The following LHFPL3 variants were observed in gnomAD, a reference collection of about 807,000 sequenced individuals.
The protein encoded by LHFPL3 is LHFPL tetraspan subfamily member 3 protein.
Under a neutral mutation model 19.3 loss-of-function variants are expected in LHFPL3, and 5 were observed. That is an observed-to-expected ratio of 0.26 (90% CI 0.14 to 0.54). The LOEUF (loss-of-function observed/expected upper bound fraction) is 0.54, where lower values mean the gene tolerates loss of function less well. Ranked by LOEUF, LHFPL3 falls within the 20% of genes least tolerant of loss-of-function variation. The probability of loss-of-function intolerance (pLI) is 0.94; values close to 1 mark genes in which losing one functional copy is unlikely to be tolerated. For missense variants in LHFPL3, 249 were observed against 307.4 expected, an observed-to-expected ratio of 0.81 and a Z score of 1.42; for synonymous variants, 133 against 126.2, an observed-to-expected ratio of 1.05 and a Z score of -0.36.
chr7:104,838,485 A>G (rs1791139751), intron 2 of LHFPL3, among the ~76,000 whole-genome samples: 1 of 152,226 alleles, frequency 6.6e-6, no homozygotes, highest in Non-Finnish European at 1.5e-5. Flanking sequence ...AGACACCCAG[A>G]ATTCCAACTG....
At chr7:104,437,425 G>A (rs1008616286) in intron 1 of LHFPL3, among the ~76,000 whole-genome samples, 1 of 152,042 alleles carries the variant, frequency 6.6e-6, no homozygotes, top group Admixed American at 6.6e-5. Flanking sequence ...GAACAACAAC[G>A]GGGTGTCCTA....
intron 2 of LHFPL3, among the ~76,000 whole-genome samples, chr7:104,825,533 C>T (rs1790800726): frequency 6.6e-6 from 1 of 151,764 alleles, no homozygotes. Context: ...GCTGTGAGGA[C>T]TAAATGAAAG....
chr7:104,764,187 G>A (rs564692555), intron 2 of LHFPL3, among the ~76,000 whole-genome samples: 1 of 152,048 alleles, frequency 6.6e-6, no homozygotes, highest in East Asian at 1.9e-4. Context: ...TTGTTTTATT[G>A]AGACAGAGTC....
chr7:104,424,062 G>A (rs530056082), intron 1 of LHFPL3, among the ~76,000 whole-genome samples: 13 of 152,050 alleles, frequency 8.5e-5, no homozygotes, highest in African/African-American at 2.4e-5. Flanking sequence ...TTTTAAAATC[G>A]TATCACTCGA....
intron 1 of LHFPL3, among the ~76,000 whole-genome samples, chr7:104,431,217 G>A (rs1319892793): frequency 2.0e-5 from 3 of 151,944 alleles, no homozygotes; most frequent in African/African-American, 7.3e-5. Flanking sequence ...TACTGCTTTT[G>A]TAAATTGATC....
intron 1 of LHFPL3, among the ~76,000 whole-genome samples, chr7:104,525,568 G>A (rs1253376914): frequency 6.6e-6 from 1 of 151,150 alleles, no homozygotes; most frequent in Non-Finnish European, 1.5e-5. Context: ...GATCCTCCAG[G>A]TTTCTGTCTT....
chr7:104,593,381 T>G (rs982421045), intron 1 of LHFPL3, among the ~76,000 whole-genome samples: 14 of 152,216 alleles, frequency 9.2e-5, no homozygotes, highest in Non-Finnish European at 1.9e-4. Flanking sequence ...AGTTCTAGTT[T>G]GATTGCACTG....
chr7:104,435,550 T>C (rs1792087351), intron 1 of LHFPL3, among the ~76,000 whole-genome samples: 1 of 148,328 alleles, frequency 6.7e-6, no homozygotes, highest in African/African-American at 2.5e-5. Context: ...TTTTATATTT[T>C]TCTTTCTAGA....
chr7:104,773,121 G>T (rs1004742053), intron 2 of LHFPL3, among the ~76,000 whole-genome samples: 2 of 152,174 alleles, frequency 1.3e-5, no homozygotes, highest in African/African-American at 4.8e-5. Flanking sequence ...CAGCCTCGTT[G>T]TCATCCACAT....
chr7:104,441,590 T>G (rs553779230), intron 1 of LHFPL3, among the ~76,000 whole-genome samples: 24 of 152,176 alleles, frequency 1.6e-4, no homozygotes, highest in Admixed American at 9.2e-4. Context: ...TTATTTATTT[T>G]TTTTGAGACA....
chr7:104,362,974 A>T (rs1026529332), intron 1 of LHFPL3, among the ~76,000 whole-genome samples: 1 of 152,244 alleles, frequency 6.6e-6, no homozygotes, highest in African/African-American at 2.4e-5. Context: ...CACCAATCTT[A>T]GGTTTTACAA....
In LHFPL3 at chr7:104,850,845, T is replaced by C. The variant is rs1221962319; in HGVS notation, c.683-55342T>C. Among the ~76,000 whole-genome samples, 5 of 151,042 alleles carry C rather than the reference T, an allele frequency of 3.3e-5. No homozygotes were observed. In the East Asian group the frequency reaches 7.8e-4, roughly 23 times the overall value. ...CCAAACACTGATTCTCAAATGACTA[T>C]AGATAGAAGAGTAAAACTCTCAGTA... On this transcript the variant is annotated intron_variant, in intron 2 of 2. Coordinates refer to ENST00000424859, the MANE Select transcript of LHFPL3 (RefSeq NM_199000.3).
intron 1 of LHFPL3, among the ~76,000 whole-genome samples, chr7:104,436,110 A>C (rs1329430115): frequency 6.6e-6 from 1 of 152,188 alleles, no homozygotes; most frequent in East Asian, 1.9e-4. Context: ...GAAGCTACTG[A>C]GCATTTGAAA....
At chr7:104,709,759 C>T (rs374363574) in intron 1 of LHFPL3, among the ~76,000 whole-genome samples, 13 of 151,390 alleles carry the variant, frequency 8.6e-5, no homozygotes, top group Admixed American at 2.6e-4. Context: ...ACCTCCCAGA[C>T]GGGGTGGCGG....
At chr7:104,434,432 C>T (rs1198397860) in intron 1 of LHFPL3, among the ~76,000 whole-genome samples, 2 of 152,164 alleles carry the variant, frequency 1.3e-5, no homozygotes, top group Non-Finnish European at 2.9e-5. Flanking sequence ...TGACATGCAT[C>T]GCTTACACCT....
intron 1 of LHFPL3, among the ~76,000 whole-genome samples, chr7:104,449,065 A>G (rs561999234): frequency 5.3e-5 from 8 of 152,344 alleles, no homozygotes; most frequent in Admixed American, 4.6e-4. Flanking sequence ...GGATAAAATT[A>G]TAACATGGAT....
chr7:104,412,341 T>C (rs1037547993), intron 1 of LHFPL3, among the ~76,000 whole-genome samples: 2 of 152,024 alleles, frequency 1.3e-5, no homozygotes, highest in African/African-American at 4.8e-5. Context: ...CACCCAAAAC[T>C]CCTGCTCTTT....
Position 104,541,492 on chromosome 7 carries a change from T to A in LHFPL3, c.446-195183T>A, listed in dbSNP as rs999448576. Among the ~76,000 whole-genome samples the A allele has an allele frequency of 3.3e-5, 5 of 152,028 alleles. No homozygotes were observed. In the Middle Eastern group the frequency reaches 0.01, roughly 310 times the overall value. ...GAGAGCCAGATAAAAGTCCATGTTCTCCCCCTAGGTACAAGGTGATGAGGC... is the reference window on the plus strand; with the variant it reads ...GAGAGCCAGATAAAAGTCCATGTTCACCCCCTAGGTACAAGGTGATGAGGC... On this transcript the variant is annotated intron_variant, in intron 1 of 2. Transcript: ENST00000424859.
intron 1 of LHFPL3, among the ~76,000 whole-genome samples, chr7:104,456,087 C>T (rs1233710691): frequency 6.6e-6 from 1 of 152,136 alleles, no homozygotes; most frequent in African/African-American, 2.4e-5. Context: ...TTCGGCTCTA[C>T]ATAAACAAAT....
Sources: gnomAD v4.1 joint callset for allele counts (sites outside exome capture counted in the v4.1 genomes callset) on GRCh38, gnomAD v4.1.1 for gene constraint, MANE v1.5 for transcripts, NCBI Gene and HGNC (gene_info 2026-07-23, HGNC 2026-07-21) for gene names.